Variants in DLG2 observed in about 807,000 individuals in gnomAD.
DLG2 encodes disks large homolog 2.
DLG2 carries 45 observed loss-of-function variants against 132.5 expected under a neutral mutation model. That is an observed-to-expected ratio of 0.34 (90% CI 0.27 to 0.44). The LOEUF (loss-of-function observed/expected upper bound fraction) is 0.44. DLG2 is among the 20% of genes least tolerant of loss of function. The pLI is 1.00. For synonymous variants in DLG2, 424 were observed against 419.6 expected, an observed-to-expected ratio of 1.01 and a Z score of -0.13; for missense variants, 1,045 against 1,196.9, an observed-to-expected ratio of 0.87 and a Z score of 1.87.
intron 3 of DLG2, among the ~76,000 whole-genome samples, chr11:85,415,996 G>C (rs189603135): frequency 1.5e-4 from 23 of 152,156 alleles, no homozygotes; most frequent in African/African-American, 4.8e-4. Context: ...TGGTTTTTAC[G>C]GTTTTTAGGT....
intron 4 of DLG2, among the ~76,000 whole-genome samples, chr11:85,238,569 C>T (rs755341381): frequency 6.6e-6 from 1 of 151,996 alleles, no homozygotes; most frequent in Non-Finnish European, 1.5e-5. Flanking sequence ...AAAGCCAAAC[C>T]TCTTTCTAAA....
At chr11:83,978,546 A>G (rs1417663922) in intron 12 of DLG2, among the ~76,000 whole-genome samples, 1 of 152,076 alleles carries the variant, frequency 6.6e-6, no homozygotes, top group Non-Finnish European at 1.5e-5. Context: ...CATAAGAACA[A>G]ACTTTTACAT....
chr11:84,113,301 T>C (rs1304482207), intron 9 of DLG2, among the ~76,000 whole-genome samples: 2 of 152,200 alleles, frequency 1.3e-5, no homozygotes, highest in Admixed American at 6.5e-5. Flanking sequence ...ATAGTGCACA[T>C]GGTTTTCTAT....
intron 3 of DLG2, among the ~76,000 whole-genome samples, chr11:85,433,618 C>G (rs1327543253): frequency 1.3e-5 from 2 of 152,222 alleles, no homozygotes; most frequent in Non-Finnish European, 1.5e-5. Context: ...GAAGTGTTAA[C>G]TGTCTTAAAT....
intron 18 of DLG2, among the ~76,000 whole-genome samples, chr11:83,733,522 G>A (rs1342622893): frequency 6.6e-6 from 1 of 152,156 alleles, no homozygotes; most frequent in Admixed American, 6.5e-5. Flanking sequence ...GTGCTCAGGT[G>A]GCTGAATGAG....
chr11:85,450,895 C>A (rs1430690729), intron 3 of DLG2, among the ~76,000 whole-genome samples: 1 of 151,944 alleles, frequency 6.6e-6, no homozygotes, highest in African/African-American at 2.4e-5. Flanking sequence ...CTTGCTCTTC[C>A]TCCATATTTC....
At chr11:84,972,532 G>T (rs1405368817) in intron 6 of DLG2, among the ~76,000 whole-genome samples, 2 of 152,166 alleles carry the variant, frequency 1.3e-5, no homozygotes, top group Non-Finnish European at 1.5e-5. Context: ...CTCCTTGGGT[G>T]ATTCAAACAA....
At chr11:85,058,628 TATTAA>T (rs1203875807) in intron 6 of DLG2, among the ~76,000 whole-genome samples, 1 of 151,520 alleles carries the variant, frequency 6.6e-6, no homozygotes, top group Non-Finnish European at 1.5e-5. Context: ...CACTACCAGA[TATTAA>T]AACCTTATGT....
At chr11:84,994,823 G>A (rs2057474750) in intron 6 of DLG2, among the ~76,000 whole-genome samples, 2 of 152,140 alleles carry the variant, frequency 1.3e-5, no homozygotes, top group African/African-American at 2.4e-5. Flanking sequence ...CCAGCCTTGT[G>A]TTTCCTGGAA....
At chr11:85,519,578 T>A (rs1049852675) in intron 3 of DLG2, among the ~76,000 whole-genome samples, 1 of 152,208 alleles carries the variant, frequency 6.6e-6, no homozygotes, top group Non-Finnish European at 1.5e-5. Context: ...GACTTGCCTT[T>A]TCTCAGATGA....
At chr11:84,631,395 G>C (rs1435089780) in intron 6 of DLG2, among the ~76,000 whole-genome samples, 1 of 152,004 alleles carries the variant, frequency 6.6e-6, no homozygotes, top group Non-Finnish European at 1.5e-5. Flanking sequence ...ACATTATTTT[G>C]GGAAAAATGA....
rs2096007736 is a variant in DLG2, at chr11:84,177,689, G to A, written c.574-14178C>T. On this transcript the variant is annotated intron_variant, in intron 8 of 27. Transcript: ENST00000376104. ...AGTTTGACTCTGCCAGTTAATAGCT[G>A]TCAGATATCTGCCTCAGTTTTCTGA... Among the ~76,000 whole-genome samples, 3 of 152,122 alleles carry A rather than the reference G, an allele frequency of 2.0e-5. 1 individual carries two copies. The South Asian group carries it at 6.2e-4, about 31-fold the overall frequency.
chr11:85,085,083 C>A (rs1204451743), intron 6 of DLG2, among the ~76,000 whole-genome samples: 2 of 152,098 alleles, frequency 1.3e-5, no homozygotes, highest in Admixed American at 6.5e-5. Context: ...TATTTTTTCA[C>A]AATCATGCTT....
intron 7 of DLG2, among the ~76,000 whole-genome samples, chr11:84,307,636 C>CA (rs1323691219): frequency 2.1e-5 from 3 of 143,390 alleles, no homozygotes; most frequent in Admixed American, 7.3e-5. Context: ...GCAGACCTTG[C>CA]AGTGAGCCGA....
intron 8 of DLG2, among the ~76,000 whole-genome samples, chr11:84,248,546 G>A (rs2097332378): frequency 6.6e-6 from 1 of 151,908 alleles, no homozygotes; most frequent in Non-Finnish European, 1.5e-5. Flanking sequence ...CACAAAGTGG[G>A]TTACATTAAG....
At chr11:84,502,218 CCT>C (rs1567803588) in intron 7 of DLG2, among the ~76,000 whole-genome samples, 1,689 of 11,616 alleles carry the variant, frequency 0.15, 432 homozygotes, top group African/African-American at 0.31. Context: ...TTCCTTCCTT[CCT>C]TCCTTCCTTC....
chr11:83,627,683 T>C (rs2047473457), intron 19 of DLG2, among the ~76,000 whole-genome samples: 1 of 152,228 alleles, frequency 6.6e-6, no homozygotes, highest in African/African-American at 2.4e-5. Flanking sequence ...TGCGTGTGCA[T>C]GTGTCTTTAT....
At chr11:83,627,538 T>A (rs1320968266) in intron 19 of DLG2, among the ~76,000 whole-genome samples, 2 of 152,212 alleles carry the variant, frequency 1.3e-5, no homozygotes, top group African/African-American at 4.8e-5. Context: ...ACAAAGGACA[T>A]GAACTCATCA....
intron 14 of DLG2, among the ~76,000 whole-genome samples, chr11:83,960,845 A>G (rs1044528572): frequency 2.6e-5 from 4 of 151,988 alleles, no homozygotes; most frequent in Non-Finnish European, 4.4e-5. Flanking sequence ...CAATGGTAAG[A>G]GAGTGGTGGA....
Sources: gnomAD v4.1 joint callset for allele counts (sites outside exome capture counted in the v4.1 genomes callset) on GRCh38, gnomAD v4.1.1 for gene constraint, MANE v1.5 for transcripts, NCBI Gene and HGNC (gene_info 2026-07-23, HGNC 2026-07-21) for gene names.